The following MDGA2 variants were observed in gnomAD, a reference collection of about 807,000 sequenced individuals.
The protein encoded by MDGA2 is MAM domain-containing glycosylphosphatidylinositol anchor protein 2.
Under a neutral mutation model 117.8 loss-of-function variants are expected in MDGA2, and 40 were observed. That is an observed-to-expected ratio of 0.34 (90% CI 0.26 to 0.44). The LOEUF (loss-of-function observed/expected upper bound fraction) is 0.44. MDGA2 is among the 20% of genes least tolerant of loss of function. The probability of loss-of-function intolerance (pLI) is 1.00; values close to 1 mark genes in which losing one functional copy is unlikely to be tolerated. For missense variants in MDGA2, 1,123 were observed against 1,250.6 expected, an observed-to-expected ratio of 0.90 and a Z score of 1.54; for synonymous variants, 452 against 439.0, an observed-to-expected ratio of 1.03 and a Z score of -0.37.
intron 1 of MDGA2, among the ~76,000 whole-genome samples, chr14:47,522,628 T>G (rs1300846844): frequency 1.3e-5 from 2 of 152,094 alleles, no homozygotes; most frequent in African/African-American, 2.4e-5. Flanking sequence ...AGGAATAGAA[T>G]CAGCAATAAT....
Position 47,544,669 on chromosome 14 carries a change from C to T in MDGA2, c.280+129848G>A, listed in dbSNP as rs117571982. Among the ~76,000 whole-genome samples, 1,150 of 152,172 alleles carry T rather than the reference C, an allele frequency of 7.6e-3. 5 individuals carry two copies. Among genetic ancestry groups the T allele is most frequent in the Non-Finnish European group, 0.012 (802 of 68,006 alleles). ...GAATACCAGGTCAACTGGTTAATGA[C>T]CTGTGAAGTGCTGGGCTGTGAGGAC... On this transcript the variant is annotated intron_variant, in intron 1 of 16. Coordinates refer to ENST00000399232, the MANE Select transcript of MDGA2 (RefSeq NM_001113498.3).
At chr14:46,986,702 AAC>A (rs1261458449) in intron 8 of MDGA2, among the ~76,000 whole-genome samples, 3 of 152,082 alleles carry the variant, frequency 2.0e-5, no homozygotes, top group Admixed American at 6.6e-5. Context: ...CTGTCTTATA[AAC>A]ACACTGGCAA....
intron 2 of MDGA2, among the ~76,000 whole-genome samples, chr14:47,287,258 G>A (rs1888718631): frequency 6.6e-6 from 1 of 152,086 alleles, no homozygotes; most frequent in East Asian, 1.9e-4. Flanking sequence ...GGGAAGAGGT[G>A]ACAAATAAGG....
At chr14:46,979,903 C>G (rs779729028) in intron 8 of MDGA2, among the ~76,000 whole-genome samples, 3 of 152,178 alleles carry the variant, frequency 2.0e-5, no homozygotes, top group Non-Finnish European at 4.4e-5. Flanking sequence ...CACCAAACAA[C>G]AGATTTTCAA....
At chr14:47,331,414 G>T (rs1243721241) in intron 1 of MDGA2, among the ~76,000 whole-genome samples, 2 of 149,760 alleles carry the variant, frequency 1.3e-5, no homozygotes, top group Non-Finnish European at 3.0e-5. Flanking sequence ...CCAATAGGAA[G>T]GTACTCAAAT....
chr14:47,007,351 G>A (rs1335714279), intron 8 of MDGA2, among the ~76,000 whole-genome samples: 1 of 151,774 alleles, frequency 6.6e-6, no homozygotes, highest in Non-Finnish European at 1.5e-5. Flanking sequence ...TTAATGAATT[G>A]AAGTTTGAGA....
chr14:47,112,671 T>C (rs1340033965), intron 5 of MDGA2, among the ~76,000 whole-genome samples: 2 of 152,202 alleles, frequency 1.3e-5, no homozygotes, highest in Non-Finnish European at 2.9e-5. Context: ...TTCCATGTCT[T>C]TGCTATTGGA....
rs1892867680 is a variant in MDGA2, at chr14:47,434,923, G to A, written c.281-133373C>T. ...GGTCAAGGTGGGTGGATCACTTGACGTCAGGAGTTTGAAATCAGCCTGACC... is the reference window on the plus strand; with the variant it reads ...GGTCAAGGTGGGTGGATCACTTGACATCAGGAGTTTGAAATCAGCCTGACC... On this transcript the variant is annotated intron_variant, in intron 1 of 16. Coordinates refer to ENST00000399232, the MANE Select transcript of MDGA2 (RefSeq NM_001113498.3). 2.0e-5 allele frequency among the ~76,000 whole-genome samples: 3 copies of A among 152,072 alleles called. 1 individual carries two copies. The highest frequency in any genetic ancestry group is 4.1e-4 in the South Asian group (2 of 4,826).
At chr14:47,645,485 C>A (rs1186223740) in intron 1 of MDGA2, among the ~76,000 whole-genome samples, 4 of 151,620 alleles carry the variant, frequency 2.6e-5, no homozygotes, top group Non-Finnish European at 2.9e-5. Context: ...CCGCCCGCCT[C>A]GTCCTCCCAA....
At chr14:47,533,077 C>A (rs1895133345) in intron 1 of MDGA2, among the ~76,000 whole-genome samples, 1 of 152,126 alleles carries the variant, frequency 6.6e-6, no homozygotes, top group Admixed American at 6.5e-5. Context: ...TATTTCTTGT[C>A]CTGATTTAGG....
chr14:46,989,322 GAA>G (rs71448152), intron 8 of MDGA2, among the ~76,000 whole-genome samples: 1 of 146,340 alleles, frequency 6.8e-6, no homozygotes, highest in Non-Finnish European at 1.5e-5. Context: ...AGCTGCACTG[GAA>G]AAAAAAAAGG....
chr14:47,084,980 A>G (rs1890845242), intron 6 of MDGA2, among the ~76,000 whole-genome samples: 1 of 152,170 alleles, frequency 6.6e-6, no homozygotes, highest in African/African-American at 2.4e-5. Context: ...AATGAAATTA[A>G]GCTACAGCCA....
chr14:46,992,153 A>G lies in MDGA2; in HGVS notation c.1820-34510T>C, dbSNP rs1229336880. ...CGACAATAAAACTGCTTCCACTGAC[A>G]CTGCTTAAGAAATTCTCAATTAAAA... On this transcript the variant is annotated intron_variant, in intron 8 of 16. Transcript: ENST00000399232. 3.3e-5 allele frequency among the ~76,000 whole-genome samples: 5 copies of G among 152,162 alleles called. No homozygotes were observed. In the South Asian group the frequency reaches 1.0e-3, roughly 31 times the overall value.
chr14:47,373,238 T>C (rs913450450), intron 1 of MDGA2, among the ~76,000 whole-genome samples: 1 of 151,994 alleles, frequency 6.6e-6, no homozygotes, highest in African/African-American at 2.4e-5. Context: ...TCAATTAGCT[T>C]TGGGAAAAAT....
At chr14:47,028,606 C>T (rs752997920) in intron 8 of MDGA2, among the ~76,000 whole-genome samples, 34 of 152,044 alleles carry the variant, frequency 2.2e-4, no homozygotes, top group African/African-American at 6.8e-4. Context: ...AAAGATCTTT[C>T]GTCATCACCA....
intron 2 of MDGA2, among the ~76,000 whole-genome samples, chr14:47,224,341 A>T (rs1483964406): frequency 6.6e-6 from 1 of 151,714 alleles, no homozygotes; most frequent in Non-Finnish European, 1.5e-5. Flanking sequence ...TTCCTGAAAC[A>T]TCATTGCTTT....
chr14:46,923,869 G>A (rs1884225921), intron 9 of MDGA2, among the ~76,000 whole-genome samples: 1 of 151,984 alleles, frequency 6.6e-6, no homozygotes, highest in Non-Finnish European at 1.5e-5. Context: ...ATCCAAACAT[G>A]ACATCTACTG....
rs1223668313 is a variant in MDGA2, at chr14:47,665,837, C to T, written c.280+8680G>A. Among the ~76,000 whole-genome samples the T allele has an allele frequency of 7.7e-5, 11 of 142,668 alleles. 1 individual carries two copies. The highest frequency in any genetic ancestry group is 3.1e-5 in the Non-Finnish European group (2 of 64,700). 93.6% of individuals were successfully genotyped at this position (142,668 alleles called of 152,430 possible). On this transcript the variant is annotated intron_variant, in intron 1 of 16. Transcript: ENST00000399232. ...CCTCCCCCCCGCCCCCGCCCCACCC[C>T]GCCCCACCCCACCATGGACTCCTGC...
chr14:47,062,161 C>CA (rs1889907978), intron 6 of MDGA2, among the ~76,000 whole-genome samples: 1 of 151,922 alleles, frequency 6.6e-6, no homozygotes, highest in Non-Finnish European at 1.5e-5. Flanking sequence ...AAACCTGGGG[C>CA]AAAAAGCATG....
Sources: allele counts gnomAD v4.1 joint callset (sites outside exome capture counted in the v4.1 genomes callset), GRCh38; gene constraint gnomAD v4.1.1; transcripts MANE v1.5; gene names NCBI Gene and HGNC (gene_info 2026-07-23, HGNC 2026-07-21).